Variants in MAST3 observed in about 807,000 individuals in gnomAD.
MAST3 encodes microtubule associated serine/threonine kinase 3, also known as microtubule-associated serine/threonine-protein kinase 3.
MAST3 carries 43 observed loss-of-function variants against 127.0 expected under a neutral mutation model. The observed-to-expected ratio is 0.34, with a 90% CI of 0.27 to 0.44. MAST3 has a LOEUF of 0.44. Ranked by LOEUF, MAST3 falls within the 20% of genes least tolerant of loss-of-function variation. MAST3 has a pLI of 1.00. For synonymous variants in MAST3, 785 were observed against 809.2 expected (o/e 0.97, Z 0.51); for missense variants, 1,390 against 1,919.1 (o/e 0.72, Z 5.15).
At chr19:18,141,037 G>A (rs935112040) in intron 20 of MAST3, among the ~76,000 whole-genome samples, 7 of 151,952 alleles carry the variant, frequency 4.6e-5, no homozygotes, top group Non-Finnish European at 7.4e-5. Context: ...CAAGCGATCC[G>A]CCTGCCTCAG....
At position 18,149,446 on chromosome 19, in the gene MAST3, G is replaced by A. The variant is rs550683470; in HGVS notation, c.3764G>A (p.Arg1255Gln). 8 of 1,528,508 alleles carry A rather than the reference G, an allele frequency of 5.2e-6. No individual in the cohort carries two copies. Among genetic ancestry groups the A allele is most frequent in the African/African-American group, 2.8e-5 (2 of 72,036 alleles). The allele number at this position is 1,528,508 out of a possible 1,614,324, so 94.7% of individuals were successfully genotyped here. A position where few individuals can be genotyped will look rare whatever the true frequency, so the allele number is the denominator to read the frequency against. Residue 1255 changes from arginine to glutamine, a missense_variant, in exon 28 of 28, where the codon CGG becomes CAG. Around this residue, in one of 5 missense-constraint regions of MAST3, gnomAD observed 816 missense variants for 934.1 expected, o/e 0.87. Coordinates refer to ENST00000687212, the MANE Select transcript of MAST3 (RefSeq NM_001393504.1). This position sits in a 1 kb window ranked among gnomAD's most constrained non-coding sequence, Gnocchi z 5.9. ...CCGCCCGCACCTGCCCGATCCCCGC[G>A]GCTGCGCCGGGGCCAGTCAGCTGAC... is the stretch of plus-strand genomic sequence containing the variant. ...GHPPAPARSP[R>Q]LRRGQSADKL...
chr19:18,109,537 T>A (rs1406351928), intron 2 of MAST3, among the ~76,000 whole-genome samples: 1 of 151,118 alleles, frequency 6.6e-6, no homozygotes, highest in African/African-American at 2.4e-5. Context: ...CCCCACTGGG[T>A]CCACCGGGGC....
intron 3 of MAST3, among the ~76,000 whole-genome samples, chr19:18,117,194 G>A (rs1199265438): frequency 6.6e-6 from 1 of 152,298 alleles, no homozygotes; most frequent in African/African-American, 2.4e-5. Flanking sequence ...TACGCATGGG[G>A]AAACAGAGGC....
chr19:18,138,944 C>T (rs1401065766), intron 19 of MAST3, 71 bp from the exon 20 acceptor site: 26 of 1,039,752 alleles, frequency 2.5e-5, no homozygotes, highest in East Asian at 1.8e-4. Flanking sequence ...ATGCCCTCCC[C>T]GTATTGCCAC....
At chr19:18,113,603 G>A (rs1176352457) in intron 3 of MAST3, among the ~76,000 whole-genome samples, 2 of 152,144 alleles carry the variant, frequency 1.3e-5, no homozygotes, top group African/African-American at 2.4e-5. Flanking sequence ...TGGGATTACA[G>A]GCATCTGCCA....
chr19:18,144,940 A>T lies in MAST3; in HGVS notation c.2813-63A>T. The stretch of plus-strand genomic sequence containing the variant: ...TGGCCAGGGTGGTCGTTGTGGTGGG[A>T]AAGAGGGGGCCCCAGGGGAGACCTG... On this transcript the variant is annotated intron_variant, in intron 23 of 27. Coordinates refer to ENST00000687212, the MANE Select transcript of MAST3 (RefSeq NM_001393504.1). The surrounding 1 kb of genome is among the most constrained non-coding windows in gnomAD (Gnocchi z 4.0). The T allele has an allele frequency of 1.0e-6, 1 of 978,766 alleles. No individual in the cohort carries two copies. The highest frequency in any genetic ancestry group is 1.6e-6 in the Non-Finnish European group (1 of 632,752). The allele number at this position is 978,766 out of a possible 1,614,324, so 60.6% of individuals were successfully genotyped here.
rs776661078 is a variant in MAST3 at position 18,100,128 on chromosome 19, C to CTCTTTTTTTTTTTTTTTTTT, written c.39+2298_39+2299insCTTTTTTTTTTTTTTTTTTT. Among the ~76,000 whole-genome samples the CTCTTTTTTTTTTTTTTTTTT allele has an allele frequency of 2.1e-3, 258 of 121,588 alleles. 12 individuals carry two copies. The highest frequency in any genetic ancestry group is 3.7e-3 in the Non-Finnish European group (209 of 56,368). 79.8% of individuals were successfully genotyped at this position (121,588 alleles called of 152,430 possible). A position where few individuals can be genotyped will look rare whatever the true frequency, so the allele number is the denominator to read the frequency against. Reference sequence around the variant, plus strand: ...GGCAGAAGGATCTCTCTCTCTCTCTCTTTTTTTTTTTTTTGAGAAAGAATC... The same window carrying CTCTTTTTTTTTTTTTTTTTT: ...GGCAGAAGGATCTCTCTCTCTCTCTCTCTTTTTTTTTTTTTTTTTTTTTTTTTTTTTTTTGAGAAAGAATC... On this transcript the variant is annotated intron_variant, in intron 1 of 27. Coordinates refer to ENST00000687212, the MANE Select transcript of MAST3 (RefSeq NM_001393504.1).
At chr19:18,097,855 G>A in intron 1 of MAST3, 24 bp downstream of exon 1, 4 of 1,227,620 alleles carry the variant, frequency 3.3e-6, no homozygotes, top group Middle Eastern at 3.0e-4. Context: ...GCGGGCGGGC[G>A]GAAGGCAGAG....
At chr19:18,107,507 G>T in intron 1 of MAST3, 80 bp from the exon 2 acceptor site, 2 of 1,369,796 alleles carry the variant, frequency 1.5e-6, no homozygotes, top group South Asian at 1.2e-5. Flanking sequence ...TGGGATTGGG[G>T]ATTGTGGGGG....
intron 6 of MAST3, 112 bp from the exon 7 acceptor site, chr19:18,123,105 T>A: frequency 1.2e-5 from 14 of 1,139,904 alleles, no homozygotes; most frequent in Non-Finnish European, 1.8e-5. Context: ...GGAGAAAGGA[T>A]GTTACCTTCT....
chr19:18,128,353 G>A, intron 11 of MAST3, 47 bp from the exon 12 acceptor site: 1 of 1,476,802 alleles, frequency 6.8e-7, no homozygotes, highest in Non-Finnish European at 9.1e-7. Context: ...GGGTGATGCA[G>A]GGTGAGGCAG....
At chr19:18,109,918 C>A (rs1051789505) in intron 2 of MAST3, 1 of 983,784 alleles carries the variant, frequency 1.0e-6, no homozygotes. Context: ...GAGGCCGGGC[C>A]GGGGCGGGGA....
At chr19:18,102,043 G>A (rs562876185) in intron 1 of MAST3, among the ~76,000 whole-genome samples, 269 of 151,780 alleles carry the variant, frequency 1.8e-3, no homozygotes, top group African/African-American at 6.2e-3. Context: ...ACCACACCCG[G>A]CTAATTTTTT....
chr19:18,100,639 C>T (rs1180944366), intron 1 of MAST3, among the ~76,000 whole-genome samples: 1 of 152,196 alleles, frequency 6.6e-6, no homozygotes, highest in Non-Finnish European at 1.5e-5. Flanking sequence ...ATTATTAGTT[C>T]CACTTTTCAA....
At chr19:18,119,662 C>T (rs532547241) in intron 3 of MAST3, among the ~76,000 whole-genome samples, 1 of 152,296 alleles carries the variant, frequency 6.6e-6, no homozygotes, top group East Asian at 1.9e-4. Flanking sequence ...TGTATGTACC[C>T]GAGTCCGACC....
Position 18,145,175 on chromosome 19 carries a change from G to A in MAST3, c.2985G>A (p.Ala995=), listed in dbSNP as rs762614162. The A allele has an allele frequency of 4.1e-5, 66 of 1,613,692 alleles. No individual in the cohort carries two copies. The highest frequency in any genetic ancestry group is 5.5e-5 in the South Asian group (5 of 91,076). The change falls in exon 24 of 28, where the codon GCG becomes GCA. Residue 995 remains alanine, a synonymous_variant. Transcript: ENST00000687212. The surrounding 1 kb of genome is among the most constrained non-coding windows in gnomAD (Gnocchi z 5.9). ...AGAAGTACGGCTTCAGCCTGCGGGC[G>A]ATCCGCGTCTACATGGGTGATAGCG... is the stretch of plus-strand genomic sequence containing the variant. ...SGKKYGFSLR[A]IRVYMGDSDV...
chr19:18,149,144 T>C lies in MAST3; in HGVS notation c.3509-47T>C. ...CAGTCCCACAGCTCCACTTCTGGGCTGGGGACATTGAGGCCAGCAGCCCTG... is the reference window on the plus strand; with the variant it reads ...CAGTCCCACAGCTCCACTTCTGGGCCGGGGACATTGAGGCCAGCAGCCCTG... On this transcript the variant is annotated intron_variant, in intron 27 of 27. Coordinates refer to ENST00000687212, the MANE Select transcript of MAST3 (RefSeq NM_001393504.1). The surrounding 1 kb of genome is among the most constrained non-coding windows in gnomAD (Gnocchi z 5.9). 2 of 1,434,356 alleles carry C rather than the reference T, an allele frequency of 1.4e-6. No individual in the cohort carries two copies. Among genetic ancestry groups the C allele is most frequent in the Non-Finnish European group, 1.8e-6 (2 of 1,094,716 alleles). The allele number at this position is 1,434,356 out of a possible 1,614,324, so 88.9% of individuals were successfully genotyped here. A position where few individuals can be genotyped will look rare whatever the true frequency, so the allele number is the denominator to read the frequency against.
In MAST3 at chr19:18,145,944, C is replaced by T. The variant is rs1025930579; in HGVS notation, c.3162+79C>T. ...GCTCCCGGTTCCCCGTGGTTCTCCG[C>T]GTCCAGACACACAACCCCACATTCA... On this transcript the variant is annotated intron_variant, in intron 25 of 27. Transcript: ENST00000687212. This position sits in a 1 kb window ranked among gnomAD's most constrained non-coding sequence, Gnocchi z 5.9. 26 of 1,463,702 alleles carry T rather than the reference C, an allele frequency of 1.8e-5. No homozygotes were observed. Among genetic ancestry groups the T allele is most frequent in the African/African-American group, 2.9e-5 (2 of 67,832 alleles). 90.7% of individuals were successfully genotyped at this position (1,463,702 alleles called of 1,614,324 possible).
rs2043451794 is a variant in MAST3, at chr19:18,150,347, G to C, written c.*621G>C. The stretch of plus-strand genomic sequence containing the variant: ...GCCGCCCCCTGAAGGCGGCTGCCAG[G>C]TCTTGCCCCAGGCACCTGGGACTCT... On this transcript the variant is annotated 3_prime_UTR_variant, in exon 28 of 28. Coordinates refer to ENST00000687212, the MANE Select transcript of MAST3 (RefSeq NM_001393504.1). The C allele has an allele frequency of 1.3e-5, 2 of 152,380 alleles. No homozygotes were observed. Among genetic ancestry groups the C allele is most frequent in the Admixed American group, 1.3e-4 (2 of 15,284 alleles). The allele number at this position is 152,380 out of a possible 1,614,324, so 9.4% of individuals were successfully genotyped here.
Sources: gnomAD v4.1 joint callset for allele counts (sites outside exome capture counted in the v4.1 genomes callset) on GRCh38, gnomAD v4.1.1 for gene constraint, gnomAD v4.1.1 regional missense constraint, Gnocchi (gnomAD v3.1) non-coding constraint, MANE v1.5 for transcripts, NCBI Gene and HGNC (gene_info 2026-07-23, HGNC 2026-07-21) for gene names.